SNTG1: variants seen among roughly 807,000 people sequenced by gnomAD.
The protein encoded by SNTG1 is syntrophin gamma 1.
In SNTG1, 39 loss-of-function variants were observed where a neutral mutation model predicts 74.7. The ratio of observed to expected loss-of-function variants is 0.52; its 90% CI spans 0.40 to 0.68. The LOEUF (loss-of-function observed/expected upper bound fraction) is 0.68. Among genes scored for constraint, SNTG1 ranks in the 30% least tolerant of loss-of-function variants. SNTG1 has a pLI of 0.00. For missense variants in SNTG1, 685 were observed against 609.5 expected (o/e 1.12, Z -1.30); for synonymous variants, 254 against 217.1 (o/e 1.17, Z -1.49).
intron 1 of SNTG1, among the ~76,000 whole-genome samples, chr8:50,142,447 T>A (rs191228941): frequency 2.0e-5 from 3 of 149,628 alleles, no homozygotes; most frequent in African/African-American, 7.5e-5. Flanking sequence ...GCTTTTTACT[T>A]TTTAACACAA....
intron 2 of SNTG1, among the ~76,000 whole-genome samples, chr8:50,243,081 T>C (rs958813789): frequency 6.6e-6 from 1 of 152,102 alleles, no homozygotes; most frequent in African/African-American, 2.4e-5. Flanking sequence ...CATGTGAGAA[T>C]TAGTAAACTG....
intron 1 of SNTG1, among the ~76,000 whole-genome samples, chr8:50,009,736 G>A (rs556543833): frequency 2.0e-5 from 3 of 152,248 alleles, no homozygotes; most frequent in East Asian, 1.9e-4. Flanking sequence ...GGTGGCTCAC[G>A]CCTATAATCC....
intron 11 of SNTG1, among the ~76,000 whole-genome samples, chr8:50,544,849 A>G (rs1467915744): frequency 6.6e-6 from 1 of 152,102 alleles, no homozygotes; most frequent in Non-Finnish European, 1.5e-5. Flanking sequence ...GTAAAAGCTC[A>G]CAGACTAGTA....
chr8:50,471,791 A>T (rs1439830758), intron 8 of SNTG1, among the ~76,000 whole-genome samples: 1 of 152,232 alleles, frequency 6.6e-6, no homozygotes, highest in African/African-American at 2.4e-5. Context: ...AACACAGACT[A>T]CATGACCCTA....
intron 9 of SNTG1, among the ~76,000 whole-genome samples, chr8:50,515,184 G>A (rs1563508447): frequency 1.3e-5 from 2 of 152,044 alleles, no homozygotes; most frequent in East Asian, 1.9e-4. Context: ...ATCCAGATCA[G>A]CAAAATAAAG....
chr8:50,787,285 A>T (rs2095678401), intron 18 of SNTG1, among the ~76,000 whole-genome samples: 1 of 151,940 alleles, frequency 6.6e-6, no homozygotes, highest in Non-Finnish European at 1.5e-5. Flanking sequence ...ACAGTAAAAT[A>T]CAGCTTCCCA....
At chr8:50,115,996 A>G (rs2080807939) in intron 1 of SNTG1, among the ~76,000 whole-genome samples, 2 of 152,144 alleles carry the variant, frequency 1.3e-5, no homozygotes, top group Non-Finnish European at 2.9e-5. Flanking sequence ...CCTCCCCAGC[A>G]TCATACACAC....
At chr8:50,691,162 T>G (rs1430586314) in intron 15 of SNTG1, among the ~76,000 whole-genome samples, 1 of 152,174 alleles carries the variant, frequency 6.6e-6, no homozygotes, top group Admixed American at 6.5e-5. Context: ...GAGATGGGTT[T>G]CCTGAATACA....
At chr8:50,433,974 T>A (rs1198755180) in intron 4 of SNTG1, among the ~76,000 whole-genome samples, 1 of 152,180 alleles carries the variant, frequency 6.6e-6, no homozygotes, top group Non-Finnish European at 1.5e-5. Context: ...TGTGCCATGC[T>A]GGTGTGCTGC....
chr8:50,273,975 C>G (rs866127604), intron 2 of SNTG1, among the ~76,000 whole-genome samples: 40 of 152,228 alleles, frequency 2.6e-4, no homozygotes, highest in Middle Eastern at 3.4e-3. Context: ...TGTGCACCTA[C>G]TTAATTAAAT....
rs1445001627 is a variant in SNTG1 at position 50,369,720 on chromosome 8, C to A, written c.-27-24492C>A. ...AGAGAGACCACACCAGAAACCAAAG[C>A]CCACTGGAACTTGATCTTGGACTTC... On this transcript the variant is annotated intron_variant, in intron 2 of 18. Transcript: ENST00000642720. Among the ~76,000 whole-genome samples, 3 of 152,136 alleles carry A rather than the reference C, an allele frequency of 2.0e-5. No homozygotes were observed. The East Asian group carries it at 5.8e-4, about 29-fold the overall frequency.
At chr8:50,416,476 T>C (rs1424725068) in intron 4 of SNTG1, among the ~76,000 whole-genome samples, 2 of 152,182 alleles carry the variant, frequency 1.3e-5, no homozygotes, top group South Asian at 2.1e-4. Flanking sequence ...AATTTTGAAA[T>C]ATGTATTAAA....
intron 12 of SNTG1, among the ~76,000 whole-genome samples, chr8:50,560,736 G>A (rs2094482947): frequency 6.6e-6 from 1 of 152,058 alleles, no homozygotes; most frequent in African/African-American, 2.4e-5. Context: ...GGGAGGGAGA[G>A]CATCAAGAAG....
chr8:50,774,978 C>T (rs28522032), intron 18 of SNTG1, among the ~76,000 whole-genome samples: 17,069 of 149,940 alleles, frequency 0.11, 2,894 homozygotes, highest in African/African-American at 0.37. Context: ...GTAGTATATA[C>T]TTATATATAA....
At chr8:50,036,828 T>G (rs1818209541) in intron 1 of SNTG1, among the ~76,000 whole-genome samples, 1 of 152,358 alleles carries the variant, frequency 6.6e-6, no homozygotes, top group South Asian at 2.1e-4. Context: ...TACCATCTTT[T>G]ATTTTCCCTT....
At chr8:50,715,006 T>C (rs905102875) in intron 17 of SNTG1, among the ~76,000 whole-genome samples, 1 of 152,210 alleles carries the variant, frequency 6.6e-6, no homozygotes, top group Non-Finnish European at 1.5e-5. Flanking sequence ...ATTTTATGTT[T>C]TTGTTTTCGC....
intron 2 of SNTG1, among the ~76,000 whole-genome samples, chr8:50,304,257 C>G (rs2089780308): frequency 6.6e-6 from 1 of 152,106 alleles, no homozygotes; most frequent in East Asian, 1.9e-4. Flanking sequence ...TGCCTTGGCC[C>G]TCACCAAATG....
chr8:50,029,815 C>T (rs375160011), intron 1 of SNTG1, among the ~76,000 whole-genome samples: 114 of 152,150 alleles, frequency 7.5e-4, no homozygotes, highest in African/African-American at 2.6e-3. Context: ...AACACAGGAG[C>T]GTAGATATCT....
rs533762842 is a variant in SNTG1 at position 50,307,123 on chromosome 8, C to T, written c.-27-87089C>T. The stretch of plus-strand genomic sequence containing the variant: ...ACCATGATTTAATTCTTTGTTGTTC[C>T]GCTAATTAAAATTTGAACTTTTTAA... On this transcript the variant is annotated intron_variant, in intron 2 of 18. Transcript: ENST00000642720. Among the ~76,000 whole-genome samples the T allele has an allele frequency of 7.2e-5, 11 of 151,790 alleles. No individual in the cohort carries two copies. In the South Asian group the frequency reaches 8.3e-4, roughly 11 times the overall value.
Sources: allele counts gnomAD v4.1 joint callset (sites outside exome capture counted in the v4.1 genomes callset), GRCh38; gene constraint gnomAD v4.1.1; transcripts MANE v1.5; gene names NCBI Gene and HGNC (gene_info 2026-07-23, HGNC 2026-07-21).